The following FOXO1 variants were observed in gnomAD, a reference collection of about 807,000 sequenced individuals.
FOXO1 encodes the protein forkhead box protein O1.
In FOXO1, 6 loss-of-function variants were observed where a neutral mutation model predicts 44.1. That is an observed-to-expected ratio of 0.14 (90% CI 0.07 to 0.27). FOXO1 has a LOEUF of 0.27. Ranked by LOEUF, FOXO1 falls within the 10% of genes least tolerant of loss-of-function variation. FOXO1 has a pLI of 1.00. For synonymous variants in FOXO1, 380 were observed against 362.7 expected, an observed-to-expected ratio of 1.05 and a Z score of -0.54; for missense variants, 737 against 888.8, an observed-to-expected ratio of 0.83 and a Z score of 2.17.
intron 1 of FOXO1, among the ~76,000 whole-genome samples, chr13:40,578,884 A>G (rs1874860325): frequency 6.6e-6 from 1 of 152,174 alleles, no homozygotes; most frequent in Admixed American, 6.5e-5. Context: ...CTCCACGCAC[A>G]TACACATTTC....
At chr13:40,659,327 A>G (rs1405483161) in intron 1 of FOXO1, among the ~76,000 whole-genome samples, 7 of 151,238 alleles carry the variant, frequency 4.6e-5, no homozygotes, top group Middle Eastern at 3.4e-3. Flanking sequence ...AAAAAAAAAA[A>G]AAAAGAAAAG....
At chr13:40,562,458 A>G (rs757873881) in intron 1 of FOXO1, among the ~76,000 whole-genome samples, 2 of 152,168 alleles carry the variant, frequency 1.3e-5, no homozygotes, top group Non-Finnish European at 2.9e-5. Flanking sequence ...ATGTGTCTTA[A>G]GTTTCCTCAC....
At chr13:40,662,896 G>C (rs962935302) in intron 1 of FOXO1, among the ~76,000 whole-genome samples, 6 of 152,202 alleles carry the variant, frequency 3.9e-5, no homozygotes, top group African/African-American at 1.4e-4. Flanking sequence ...CTTAGAACAG[G>C]AGTCTTTCAG....
At chr13:40,575,404 A>G (rs1368561521) in intron 1 of FOXO1, among the ~76,000 whole-genome samples, 1 of 152,134 alleles carries the variant, frequency 6.6e-6, no homozygotes, top group East Asian at 1.9e-4. Context: ...AGTCAGTGTT[A>G]GAGCACTTGC....
At chr13:40,647,452 G>A (rs9577087) in intron 1 of FOXO1, among the ~76,000 whole-genome samples, 110 of 151,964 alleles carry the variant, frequency 7.2e-4, no homozygotes, top group African/African-American at 2.5e-3. Flanking sequence ...TCACCTAGGC[G>A]GGAGTGCAGT....
At chr13:40,654,322 T>TAAAAAAAAA (rs11344939) in intron 1 of FOXO1, among the ~76,000 whole-genome samples, 12 of 48,200 alleles carry the variant, frequency 2.5e-4, no homozygotes, top group African/African-American at 7.3e-4. Context: ...CTAAAAATAC[T>TAAAAAAAAA]AAAAAAAAAA....
chr13:40,655,142 T>A (rs779330630), intron 1 of FOXO1, among the ~76,000 whole-genome samples: 20 of 151,906 alleles, frequency 1.3e-4, no homozygotes, highest in Non-Finnish European at 2.5e-4. Context: ...TCGAGACCAG[T>A]CTGGCCAACA....
intron 1 of FOXO1, among the ~76,000 whole-genome samples, chr13:40,598,799 C>G (rs1169070300): frequency 6.6e-6 from 1 of 152,208 alleles, no homozygotes; most frequent in Non-Finnish European, 1.5e-5. Context: ...CCTACTAAAT[C>G]AGAACTGACA....
chr13:40,632,221 G>A (rs1301018083), intron 1 of FOXO1, among the ~76,000 whole-genome samples: 5 of 152,110 alleles, frequency 3.3e-5, no homozygotes, highest in African/African-American at 1.2e-4. Flanking sequence ...CAGTGAGCCA[G>A]TATCACGCCA....
At chr13:40,618,157 C>A (rs1876489530) in intron 1 of FOXO1, among the ~76,000 whole-genome samples, 1 of 152,170 alleles carries the variant, frequency 6.6e-6, no homozygotes, top group African/African-American at 2.4e-5. Context: ...CAGCTCACTG[C>A]AACCCCGCCT....
At chr13:40,631,999 T>G (rs1345541859) in intron 1 of FOXO1, among the ~76,000 whole-genome samples, 1 of 152,084 alleles carries the variant, frequency 6.6e-6, no homozygotes, top group Non-Finnish European at 1.5e-5. Context: ...CAGCAGGGCA[T>G]GGTGGCTCAT....
At chr13:40,583,405 T>G (rs1875030824) in intron 1 of FOXO1, among the ~76,000 whole-genome samples, 1 of 152,234 alleles carries the variant, frequency 6.6e-6, no homozygotes, top group African/African-American at 2.4e-5. Context: ...AAGCTTGGCA[T>G]TAACTTCTCC....
At chr13:40,591,617 T>G (rs1011604314) in intron 1 of FOXO1, among the ~76,000 whole-genome samples, 3 of 152,176 alleles carry the variant, frequency 2.0e-5, no homozygotes, top group Non-Finnish European at 4.4e-5. Flanking sequence ...TGGCTATAAA[T>G]AAGAACGCTT....
intron 1 of FOXO1, among the ~76,000 whole-genome samples, chr13:40,616,437 G>C (rs1876426622): frequency 6.6e-6 from 1 of 152,214 alleles, no homozygotes; most frequent in Admixed American, 6.5e-5. Flanking sequence ...ACTCTGAAAA[G>C]TTCTGTAAAG....
Position 40,665,924 on chromosome 13 carries a change from C to G in FOXO1, c.289G>C (p.Ala97Pro). Residue 97 changes from alanine to proline, a missense_variant, in exon 1 of 3, where the codon GCG (alanine) becomes CCG (proline). Around this residue, in one of 7 missense-constraint regions of FOXO1, gnomAD observed 213 missense variants for 236.4 expected, o/e 0.90. Transcript: ENST00000379561. ...PGSVAAAVAAAAAAAATGGLC... is the reference protein window; with the variant it reads ...PGSVAAAVAAPAAAAATGGLC... ...CCCCCGGTGGCGGCCGCGGCGGCCGCCGCCGCCACCGCCGCCGCCACGGAG... is the reference window on the plus strand; with the variant it reads ...CCCCCGGTGGCGGCCGCGGCGGCCGGCGCCGCCACCGCCGCCGCCACGGAG... 6.6e-6 allele frequency: 8 copies of G among 1,205,068 alleles called. No homozygotes were observed. Among genetic ancestry groups the G allele is most frequent in the Non-Finnish European group, 8.2e-6 (8 of 973,728 alleles). The allele number at this position is 1,205,068 out of a possible 1,614,324, so 74.6% of individuals were successfully genotyped here. A position where few individuals can be genotyped will look rare whatever the true frequency, so the allele number is the denominator to read the frequency against.
In FOXO1 at chr13:40,666,293, C is replaced by G. The variant is rs1593422439; in HGVS notation, c.-81G>C. 13 of 1,191,938 alleles carry G rather than the reference C, an allele frequency of 1.1e-5. No individual in the cohort carries two copies. Among genetic ancestry groups the G allele is most frequent in the African/African-American group, 1.6e-5 (1 of 62,646 alleles). 73.8% of individuals were successfully genotyped at this position (1,191,938 alleles called of 1,614,324 possible). On this transcript the variant is annotated 5_prime_UTR_variant, in exon 1 of 3. Transcript: ENST00000379561. ...ACTGGGGGCGGACGGGGAGGGGGCG[C>G]GAAGGGACGGTCCGAGATTTGGGGG...
At chr13:40,644,276 T>C (rs1877443749) in intron 1 of FOXO1, among the ~76,000 whole-genome samples, 1 of 152,160 alleles carries the variant, frequency 6.6e-6, no homozygotes, top group Non-Finnish European at 1.5e-5. Context: ...TTGAAACACA[T>C]GTCCCCAACA....
chr13:40,654,801 G>A (rs924708424), intron 1 of FOXO1, among the ~76,000 whole-genome samples: 1 of 152,078 alleles, frequency 6.6e-6, no homozygotes, highest in Non-Finnish European at 1.5e-5. Context: ...GAAGGCAGAG[G>A]TCTCTAAGAA....
In FOXO1 at chr13:40,559,596, A is replaced by G. The variant is rs1411870298; in HGVS notation, c.1895T>C (p.Phe632Ser). ...LMDGDTLDFN[F>S]DNVLPNQSFP... is the part of the protein sequence containing the mutation. Reference sequence around the variant, plus strand: ...GCTTTGGTTGGGCAACACATTGTCAAAGTTAAAATCCAATGTATCTCCATC... The same window carrying G: ...GCTTTGGTTGGGCAACACATTGTCAGAGTTAAAATCCAATGTATCTCCATC... Residue 632 changes from phenylalanine (F) to serine (S), a missense_variant, in exon 2 of 3, where the codon TTT becomes TCT. Physicochemically the swap from Phe to Ser is radical, Grantham distance 155. Around this residue, in one of 7 missense-constraint regions of FOXO1, gnomAD observed 45 missense variants for 78.3 expected, o/e 0.57. Transcript: ENST00000379561. The G allele has an allele frequency of 6.2e-7, 1 of 1,614,114 alleles. No homozygotes were observed. The highest frequency in any genetic ancestry group is 8.5e-7 in the Non-Finnish European group (1 of 1,179,990).
Sources: gnomAD v4.1 joint callset for allele counts (sites outside exome capture counted in the v4.1 genomes callset) on GRCh38, gnomAD v4.1.1 for gene constraint, gnomAD v4.1.1 regional missense constraint, MANE v1.5 for transcripts, NCBI Gene and HGNC (gene_info 2026-07-23, HGNC 2026-07-21) for gene names.